Variants in CORO2B observed in about 807,000 individuals in gnomAD.
CORO2B encodes coronin 2B.
In CORO2B, 26 loss-of-function variants were observed where a neutral mutation model predicts 58.8. The ratio of observed to expected loss-of-function variants is 0.44; its 90% CI spans 0.32 to 0.61. CORO2B has a LOEUF of 0.61. CORO2B is among the 20% of genes least tolerant of loss of function. The pLI, the probability that CORO2B is intolerant of heterozygous loss-of-function variation, is 0.04. For synonymous variants in CORO2B, 242 were observed against 253.8 expected, an observed-to-expected ratio of 0.95 and a Z score of 0.44; for missense variants, 460 against 645.1, an observed-to-expected ratio of 0.71 and a Z score of 3.11.
intron 2 of CORO2B, among the ~76,000 whole-genome samples, chr15:68,678,025 C>T (rs535986778): frequency 6.6e-6 from 1 of 152,306 alleles, no homozygotes; most frequent in Admixed American, 6.5e-5. Context: ...AGGAGGCTGC[C>T]TTGCCCCTCC....
intron 1 of CORO2B, chr15:68,631,882 G>A (rs187485225): frequency 8.3e-5 from 78 of 939,080 alleles, no homozygotes; most frequent in South Asian, 3.9e-4. Flanking sequence ...GGTGCTCCTC[G>A]CAGTCAGTGT....
At chr15:68,714,995 T>TAC (rs1338457250) in intron 7 of CORO2B, among the ~76,000 whole-genome samples, 3 of 152,072 alleles carry the variant, frequency 2.0e-5, no homozygotes, top group East Asian at 3.9e-4. Context: ...AAAGGCTGTC[T>TAC]ACACACACAC....
chr15:68,645,240 T>C lies in CORO2B; in HGVS notation c.96T>C (p.Asp32=). Residue 32 remains aspartate, a synonymous_variant, in exon 2 of 12, where the codon GAT becomes GAC. Transcript: ENST00000261861. This position sits in a 1 kb window ranked among gnomAD's most constrained non-coding sequence, Gnocchi z 4.5. The stretch of plus-strand genomic sequence containing the variant: ...TGGCCAACCGGGAGCACTGCTTCGA[T>C]GGGATCCCCATCACCAAGAATGTGC... ...GKVANREHCF[D]GIPITKNVHD... 6.2e-7 allele frequency: 1 copy of C among 1,614,184 alleles called. No individual in the cohort carries two copies. Among genetic ancestry groups the C allele is most frequent in the South Asian group, 1.1e-5 (1 of 91,084 alleles).
chr15:68,552,664 G>A, the CORO2B span, among the ~76,000 whole-genome samples: 1 of 152,108 alleles, frequency 6.6e-6, no homozygotes, highest in African/African-American at 2.4e-5. Context: ...CCCCTATACC[G>A]TGATGAAGAC....
the CORO2B span, among the ~76,000 whole-genome samples, chr15:68,544,155 A>G: frequency 6.6e-6 from 1 of 152,352 alleles, no homozygotes; most frequent in Admixed American, 6.5e-5. Context: ...CTGATGGTCC[A>G]CTGTGGATCC....
chr15:68,626,471 C>T (rs1404768613), intron 1 of CORO2B, among the ~76,000 whole-genome samples: 2 of 152,162 alleles, frequency 1.3e-5, no homozygotes, highest in East Asian at 3.8e-4. Context: ...CTTATGTGGT[C>T]CTGAGTGCTA....
At chr15:68,712,093 A>T (rs1187390284) in intron 5 of CORO2B, among the ~76,000 whole-genome samples, 1 of 152,184 alleles carries the variant, frequency 6.6e-6, no homozygotes. Context: ...GCCTGAGGGA[A>T]ATGGCTAGGG....
intron 1 of CORO2B, among the ~76,000 whole-genome samples, chr15:68,637,206 A>G (rs759364405): frequency 4.6e-5 from 7 of 152,224 alleles, no homozygotes; most frequent in Admixed American, 6.5e-5. Context: ...GGCACAGTCC[A>G]TGCACCTCCC....
chr15:68,595,363 TG>T (rs1402207321), intron 1 of CORO2B, among the ~76,000 whole-genome samples: 1 of 152,256 alleles, frequency 6.6e-6, no homozygotes, highest in Non-Finnish European at 1.5e-5. Context: ...TTTACATCCC[TG>T]GGAGTTGCAG....
intron 1 of CORO2B, among the ~76,000 whole-genome samples, chr15:68,638,043 G>C: frequency 6.6e-6 from 1 of 152,136 alleles, no homozygotes; most frequent in Admixed American, 6.5e-5. Flanking sequence ...GGCTATAAGG[G>C]CCATTCAGCT....
intron 1 of CORO2B, among the ~76,000 whole-genome samples, chr15:68,614,520 A>C (rs1258090403): frequency 6.6e-6 from 1 of 152,216 alleles, no homozygotes; most frequent in Non-Finnish European, 1.5e-5. Flanking sequence ...CTGCCAAGTC[A>C]GTAACTTGCT....
chr15:68,565,570 T>C, the CORO2B span, among the ~76,000 whole-genome samples: 24 of 152,134 alleles, frequency 1.6e-4, no homozygotes, highest in Non-Finnish European at 1.8e-4. Context: ...CAAAACATTT[T>C]CTCTGTCTGC....
At chr15:68,632,888 G>T (rs1174154309) in intron 1 of CORO2B, among the ~76,000 whole-genome samples, 1 of 152,194 alleles carries the variant, frequency 6.6e-6, no homozygotes, top group Non-Finnish European at 1.5e-5. Context: ...CACCACACCC[G>T]GCCAATAAAT....
chr15:68,586,978 T>G lies in CORO2B; in HGVS notation c.15+7701T>G, dbSNP rs1311471536. On this transcript the variant is annotated intron_variant, in intron 1 of 11. Transcript: ENST00000261861. Reference sequence around the variant, plus strand: ...TAGTGGGCTCAATTATGACCATTTTTGTTCTTTAAATCTTTCTTATTATCT... The same window carrying G: ...TAGTGGGCTCAATTATGACCATTTTGGTTCTTTAAATCTTTCTTATTATCT... Among the ~76,000 whole-genome samples the G allele has an allele frequency of 4.6e-5, 7 of 152,216 alleles. No individual in the cohort carries two copies. In the East Asian group the frequency reaches 1.4e-3, roughly 29 times the overall value.
At chr15:68,671,696 A>T (rs1356097630) in intron 2 of CORO2B, among the ~76,000 whole-genome samples, 1 of 152,180 alleles carries the variant, frequency 6.6e-6, no homozygotes, top group Non-Finnish European at 1.5e-5. Flanking sequence ...CAGAGACCTC[A>T]GTCCCTCACA....
intron 5 of CORO2B, among the ~76,000 whole-genome samples, chr15:68,713,173 T>A (rs1190612664): frequency 1.3e-5 from 2 of 152,194 alleles, no homozygotes; most frequent in Non-Finnish European, 2.9e-5. Context: ...AGGCAAGCTG[T>A]GAAGCAGTGA....
chr15:68,653,677 A>C (rs1901712704), intron 2 of CORO2B, among the ~76,000 whole-genome samples: 1 of 152,176 alleles, frequency 6.6e-6, no homozygotes, highest in Non-Finnish European at 1.5e-5. Context: ...AGCTCACAGC[A>C]TGTCTGAGGC....
chr15:68,711,296 C>A (rs951556050), intron 4 of CORO2B, among the ~76,000 whole-genome samples: 1 of 152,190 alleles, frequency 6.6e-6, no homozygotes, highest in Non-Finnish European at 1.5e-5. Flanking sequence ...GAACATGTAT[C>A]CTTCTTGCTC....
intron 3 of CORO2B, among the ~76,000 whole-genome samples, chr15:68,701,685 C>T (rs1892655093): frequency 6.6e-6 from 1 of 151,768 alleles, no homozygotes; most frequent in African/African-American, 2.4e-5. Context: ...GGGGTTTCAT[C>T]GTGTTAGCCA....
Sources: gnomAD v4.1 joint callset for allele counts (sites outside exome capture counted in the v4.1 genomes callset) on GRCh38, gnomAD v4.1.1 for gene constraint, Gnocchi (gnomAD v3.1) non-coding constraint, MANE v1.5 for transcripts, NCBI Gene and HGNC (gene_info 2026-07-23, HGNC 2026-07-21) for gene names.